ZDHHC3: variants seen among roughly 807,000 people sequenced by gnomAD.
ZDHHC3 encodes the protein palmitoyltransferase ZDHHC3.
Under a neutral mutation model 30.6 loss-of-function variants are expected in ZDHHC3, and 9 were observed. The observed-to-expected ratio is 0.29, with a 90% CI of 0.18 to 0.51. The LOEUF (loss-of-function observed/expected upper bound fraction) is 0.51. Among genes scored for constraint, ZDHHC3 ranks in the 20% least tolerant of loss-of-function variants. The pLI is 0.97. For synonymous variants in ZDHHC3, 136 were observed against 140.2 expected (o/e 0.97, Z 0.21); for missense variants, 246 against 384.2 (o/e 0.64, Z 3.01).
intron 5 of ZDHHC3, chr3:44,932,880 G>A: frequency 1.2e-6 from 2 of 1,611,232 alleles, no homozygotes; most frequent in Non-Finnish European, 1.7e-6. Context: ...AGTCCAGAGG[G>A]TCTGTCTGTC....
In ZDHHC3 at chr3:44,959,105, G is replaced by T; in HGVS notation, c.306+26C>A. ...AGCCAGAGGAGGAGAGTGTGGGCTG[G>T]TCAAAACAAGCCCAGACATACTCAC... On this transcript the variant is annotated intron_variant, in intron 2 of 6. Transcript: ENST00000424952. This position sits in a 1 kb window ranked among gnomAD's most constrained non-coding sequence, Gnocchi z 4.3. 3.7e-6 allele frequency: 6 copies of T among 1,612,362 alleles called. No individual in the cohort carries two copies. Among genetic ancestry groups the T allele is most frequent in the Non-Finnish European group, 5.1e-6 (6 of 1,178,820 alleles).
At position 44,924,279 on chromosome 3, in the gene ZDHHC3, A is replaced by G; in HGVS notation, c.*2410T>C. ...GTCCTGTGTGGAAGCCAGGCTGGGA[A>G]CCAATCACTACCCTGCAAATGATGG... On this transcript the variant is annotated 3_prime_UTR_variant, in exon 7 of 7. Coordinates refer to ENST00000424952, the MANE Select transcript of ZDHHC3 (RefSeq NM_001135179.2). The G allele has an allele frequency of 1.0e-6, 1 of 985,448 alleles. No homozygotes were observed. The highest frequency in any genetic ancestry group is 1.2e-6 in the Non-Finnish European group (1 of 829,932). The allele number at this position is 985,448 out of a possible 1,614,324, so 61.0% of individuals were successfully genotyped here.
chr3:44,946,564 T>C (rs1344833904), intron 2 of ZDHHC3, among the ~76,000 whole-genome samples: 2 of 152,126 alleles, frequency 1.3e-5, no homozygotes, highest in Non-Finnish European at 2.9e-5. Flanking sequence ...GTGGAAGGTA[T>C]TTGTGTTGAG....
chr3:44,975,686 G>C (rs1032128941), intron 1 of ZDHHC3, among the ~76,000 whole-genome samples: 2 of 151,786 alleles, frequency 1.3e-5, no homozygotes, highest in Admixed American at 1.3e-4. Flanking sequence ...AAATGGAGGG[G>C]AGAAGAGCAG....
At chr3:44,945,515 CTTTGA>C (rs1466893319) in intron 2 of ZDHHC3, among the ~76,000 whole-genome samples, 1 of 152,018 alleles carries the variant, frequency 6.6e-6, no homozygotes, top group Non-Finnish European at 1.5e-5. Context: ...CACATTAATT[CTTTGA>C]TTTCTTTTCT....
chr3:44,959,552 T>C lies in ZDHHC3; in HGVS notation c.-24-92A>G, dbSNP rs1045391242. ...TGCTCCCATAGTGAGTTGTGATTAC[T>C]TATCTGCAACCCCTGTGTGCAAAGC... is the stretch of plus-strand genomic sequence containing the variant. On this transcript the variant is annotated intron_variant, in intron 1 of 6. Coordinates refer to ENST00000424952, the MANE Select transcript of ZDHHC3 (RefSeq NM_001135179.2). This position sits in a 1 kb window ranked among gnomAD's most constrained non-coding sequence, Gnocchi z 4.3. 7.3e-5 allele frequency: 80 copies of C among 1,092,672 alleles called. No individual in the cohort carries two copies. The highest frequency in any genetic ancestry group is 9.7e-5 in the Non-Finnish European group (74 of 760,344). The allele number at this position is 1,092,672 out of a possible 1,614,324, so 67.7% of individuals were successfully genotyped here. A position where few individuals can be genotyped will look rare whatever the true frequency, so the allele number is the denominator to read the frequency against.
chr3:44,939,152 C>T (rs1166736715), intron 3 of ZDHHC3, among the ~76,000 whole-genome samples: 2 of 152,104 alleles, frequency 1.3e-5, no homozygotes, highest in Non-Finnish European at 2.9e-5. Context: ...TCCAGAATTT[C>T]CCTGGGGACC....
chr3:44,954,451 G>A (rs2125895208), intron 2 of ZDHHC3, among the ~76,000 whole-genome samples: 1 of 152,330 alleles, frequency 6.6e-6, no homozygotes, highest in East Asian at 1.9e-4. Flanking sequence ...AGGAACAAGA[G>A]GCTATTCAAT....
rs377195103 is a variant in ZDHHC3, at chr3:44,937,404, G to A, written c.432-3420C>T. On this transcript the variant is annotated intron_variant, in intron 3 of 6. Coordinates refer to ENST00000424952, the MANE Select transcript of ZDHHC3 (RefSeq NM_001135179.2). ...GAGGAGACGGCAGTGAGCTGTGATTGTGCCAAAGTTCCTTAGTTCTGCTGG... is the reference window on the plus strand; with the variant it reads ...GAGGAGACGGCAGTGAGCTGTGATTATGCCAAAGTTCCTTAGTTCTGCTGG... 1.3e-3 allele frequency among the ~76,000 whole-genome samples: 195 copies of A among 151,960 alleles called. 1 individual carries two copies. The highest frequency in any genetic ancestry group is 4.5e-3 in the African/African-American group (186 of 41,414).
intron 4 of ZDHHC3, 91 bp downstream of exon 4, chr3:44,933,797 C>T: frequency 8.3e-7 from 1 of 1,205,656 alleles, no homozygotes; most frequent in Non-Finnish European, 1.2e-6. Flanking sequence ...GTATTCTGAG[C>T]AAAGAACATC....
intron 1 of ZDHHC3, among the ~76,000 whole-genome samples, chr3:44,971,509 T>C (rs1165785045): frequency 1.3e-5 from 2 of 152,240 alleles, no homozygotes; most frequent in African/African-American, 2.4e-5. Context: ...AAAGGCAGCA[T>C]GGCATGAGCC....
At chr3:44,953,815 C>A (rs7633765) in intron 2 of ZDHHC3, among the ~76,000 whole-genome samples, 1 of 152,012 alleles carries the variant, frequency 6.6e-6, no homozygotes, top group African/African-American at 2.4e-5. Flanking sequence ...GAATGCAGCA[C>A]GATACTCCAA....
At chr3:44,938,147 C>A (rs1702135923) in intron 3 of ZDHHC3, 1 of 197,332 alleles carries the variant, frequency 5.1e-6, no homozygotes, top group Admixed American at 5.3e-5. Flanking sequence ...CCAAGCCAGG[C>A]TAATTTTTGT....
Position 44,919,768 on chromosome 3 carries a change from G to C in ZDHHC3, c.*6921C>G. On this transcript the variant is annotated 3_prime_UTR_variant, in exon 7 of 7. Transcript: ENST00000424952. ...TGGTTGTATAAAATGTTTACCTTTGGTGAGACTGACTGAAAGGTACATGGG... is the reference window on the plus strand; with the variant it reads ...TGGTTGTATAAAATGTTTACCTTTGCTGAGACTGACTGAAAGGTACATGGG... 2 of 596,662 alleles carry C rather than the reference G, an allele frequency of 3.4e-6. No homozygotes were observed. The highest frequency in any genetic ancestry group is 4.2e-6 in the Non-Finnish European group (2 of 475,142). The allele number at this position is 596,662 out of a possible 1,614,324, so 37.0% of individuals were successfully genotyped here.
At chr3:44,960,874 AG>A (rs1484852258) in intron 1 of ZDHHC3, among the ~76,000 whole-genome samples, 1 of 152,262 alleles carries the variant, frequency 6.6e-6, no homozygotes, top group Non-Finnish European at 1.5e-5. Flanking sequence ...CTAGGAGGGC[AG>A]ACCAGTAACT....
intron 2 of ZDHHC3, among the ~76,000 whole-genome samples, chr3:44,946,772 T>C (rs544510480): frequency 2.9e-4 from 44 of 152,018 alleles, no homozygotes; most frequent in Admixed American, 2.4e-3. Context: ...ACAGGGAGAA[T>C]ATCAGTGTGC....
chr3:44,933,039 A>G, intron 5 of ZDHHC3, 79 bp downstream of exon 5: 1 of 1,613,488 alleles, frequency 6.2e-7, no homozygotes, highest in Non-Finnish European at 8.5e-7. Context: ...ACCATGAAGG[A>G]AACAAAGAGC....
At chr3:44,927,398 C>T (rs1431716340) in intron 6 of ZDHHC3, among the ~76,000 whole-genome samples, 1 of 152,196 alleles carries the variant, frequency 6.6e-6, no homozygotes, top group African/African-American at 2.4e-5. Context: ...TGTGTCTCAC[C>T]AGCCTGGGGG....
chr3:44,976,156 A>AGGG lies in ZDHHC3; in HGVS notation c.-249_-248insCCC. 1 of 756,976 alleles carries AGGG rather than the reference A, an allele frequency of 1.3e-6. No individual in the cohort carries two copies. The highest frequency in any genetic ancestry group is 3.5e-5 in the South Asian group (1 of 28,934). 46.9% of individuals were successfully genotyped at this position (756,976 alleles called of 1,614,324 possible). On this transcript the variant is annotated 5_prime_UTR_variant, in exon 1 of 7. Coordinates refer to ENST00000424952, the MANE Select transcript of ZDHHC3 (RefSeq NM_001135179.2). The stretch of plus-strand genomic sequence containing the variant: ...CAGTGGCGGCGGCCGCGGCTGCAGG[A>AGGG]GCGGCCGCCGCGCAGGTTGATGACG...
Sources: allele counts gnomAD v4.1 joint callset (sites outside exome capture counted in the v4.1 genomes callset), GRCh38; gene constraint gnomAD v4.1.1; non-coding constraint Gnocchi (gnomAD v3.1); transcripts MANE v1.5; gene names NCBI Gene and HGNC (gene_info 2026-07-23, HGNC 2026-07-21).